The following NREP variants were observed in gnomAD, a reference collection of about 807,000 sequenced individuals.
NREP encodes the protein neuronal regeneration-related protein.
Under a neutral mutation model 8.6 loss-of-function variants are expected in NREP, and 5 were observed. The observed-to-expected ratio is 0.58, with a 90% CI of 0.30 to 1.22. The LOEUF is 1.22. Ranked by LOEUF, NREP falls within the 50% of genes most tolerant of loss-of-function variation. NREP has a pLI of 0.07. For synonymous variants in NREP, 27 were observed against 28.0 expected, an observed-to-expected ratio of 0.96 and a Z score of 0.11; for missense variants, 86 against 82.5, an observed-to-expected ratio of 1.04 and a Z score of -0.17.
intron 2 of NREP, among the ~76,000 whole-genome samples, chr5:111,882,445 G>A (rs1323594572): frequency 6.6e-6 from 1 of 152,170 alleles, no homozygotes; most frequent in African/African-American, 2.4e-5. Context: ...ATCTAGCAAG[G>A]CAGGCGACCA....
At chr5:111,739,795 C>T (rs549613015) in intron 2 of NREP, 3 of 152,004 alleles carry the variant, frequency 2.0e-5, no homozygotes, top group African/African-American at 7.2e-5. Flanking sequence ...ATGGGAATAC[C>T]TCAAAACTGT....
chr5:111,814,022 T>C (rs563833057), intron 2 of NREP, among the ~76,000 whole-genome samples: 1 of 152,088 alleles, frequency 6.6e-6, no homozygotes, highest in African/African-American at 2.4e-5. Flanking sequence ...TTCTCAAACA[T>C]TTGTATAGTT....
At position 111,764,490 on chromosome 5, in the gene NREP, A is replaced by G. The variant is rs1242105884; in HGVS notation, c.136-28983T>C. On this transcript the variant is annotated intron_variant, in intron 2 of 3. Coordinates refer to the NREP transcript ENST00000395634. ...CAGCAGGCAAAGAGAGAGCTTGTGC[A>G]TGGAAACTCCACTTTATAAAACCAT... 2.0e-5 allele frequency among the ~76,000 whole-genome samples: 3 copies of G among 152,204 alleles called. No homozygotes were observed. The East Asian group carries it at 5.8e-4, about 29-fold the overall frequency.
intron 2 of NREP, among the ~76,000 whole-genome samples, chr5:111,900,608 G>A (rs1195951673): frequency 6.6e-6 from 1 of 151,832 alleles, no homozygotes; most frequent in East Asian, 1.9e-4. Flanking sequence ...AAATACAAAA[G>A]ATCACCAGGG....
At chr5:111,864,070 G>A (rs1753611515) in intron 2 of NREP, among the ~76,000 whole-genome samples, 1 of 152,124 alleles carries the variant, frequency 6.6e-6, no homozygotes, top group Admixed American at 6.6e-5. Context: ...TGTCAAGAAG[G>A]AGAACTGTCA....
At chr5:111,857,345 C>T (rs1753448060) in intron 2 of NREP, among the ~76,000 whole-genome samples, 1 of 152,184 alleles carries the variant, frequency 6.6e-6, no homozygotes, top group Non-Finnish European at 1.5e-5. Flanking sequence ...TTGTTATAGA[C>T]AGGAGAGCAG....
chr5:111,903,642 G>T (rs1219074657), intron 2 of NREP, among the ~76,000 whole-genome samples: 1 of 152,060 alleles, frequency 6.6e-6, no homozygotes, highest in South Asian at 2.1e-4. Flanking sequence ...ATTTTAGGGT[G>T]ATGGTAATTG....
At chr5:111,895,587 A>G (rs938548481) in intron 2 of NREP, among the ~76,000 whole-genome samples, 1 of 152,086 alleles carries the variant, frequency 6.6e-6, no homozygotes, top group African/African-American at 2.4e-5. Flanking sequence ...AGGCAGGGAT[A>G]AGAGAGTTAT....
intron 2 of NREP, among the ~76,000 whole-genome samples, chr5:111,894,878 G>A (rs201165659): frequency 6.6e-6 from 1 of 152,160 alleles, no homozygotes; most frequent in East Asian, 1.9e-4. Context: ...ATGGCAAAGT[G>A]TAATCAGACC....
At chr5:111,782,766 G>A (rs1012775691) in intron 2 of NREP, among the ~76,000 whole-genome samples, 5 of 148,240 alleles carry the variant, frequency 3.4e-5, no homozygotes, top group Admixed American at 6.8e-5. Context: ...TGACAGTCTC[G>A]CTCTGTCATC....
chr5:111,965,081 T>A (rs915255720), intron 2 of NREP, among the ~76,000 whole-genome samples: 1 of 152,066 alleles, frequency 6.6e-6, no homozygotes, highest in African/African-American at 2.4e-5. Context: ...CACTTTGCTC[T>A]CAGGCCAGGC....
intron 2 of NREP, among the ~76,000 whole-genome samples, chr5:111,880,096 C>T (rs1754013143): frequency 6.6e-6 from 1 of 152,148 alleles, no homozygotes. Context: ...AGCATGTATT[C>T]TTGAGCCAGG....
intron 2 of NREP, among the ~76,000 whole-genome samples, chr5:111,783,463 G>A (rs1325220723): frequency 2.0e-5 from 3 of 152,200 alleles, no homozygotes; most frequent in Admixed American, 2.0e-4. Flanking sequence ...GGACTGCAAC[G>A]AAATGAAAGT....
At chr5:111,881,550 C>A (rs189082803) in intron 2 of NREP, among the ~76,000 whole-genome samples, 1 of 152,154 alleles carries the variant, frequency 6.6e-6, no homozygotes, top group Non-Finnish European at 1.5e-5. Flanking sequence ...TGACCCCTGA[C>A]CCCCAAGCAG....
At chr5:111,971,308 T>C (rs1444798978) in intron 2 of NREP, among the ~76,000 whole-genome samples, 1 of 152,126 alleles carries the variant, frequency 6.6e-6, no homozygotes, top group Non-Finnish European at 1.5e-5. Context: ...TCTATCAAAG[T>C]CTCAATCACA....
At chr5:111,943,242 G>T (rs1371208015) in intron 2 of NREP, among the ~76,000 whole-genome samples, 2 of 151,912 alleles carry the variant, frequency 1.3e-5, no homozygotes, top group Admixed American at 1.3e-4. Context: ...CATTCATCAG[G>T]TGCCGGTTAT....
chr5:111,855,201 C>T (rs745810537), intron 2 of NREP, among the ~76,000 whole-genome samples: 23 of 152,098 alleles, frequency 1.5e-4, no homozygotes, highest in Admixed American at 3.9e-4. Flanking sequence ...GTCAGGTAGA[C>T]TAATGGTTAA....
intron 3 of NREP, 38 bp from the exon 4 acceptor site, chr5:111,731,084 A>C: frequency 6.3e-7 from 1 of 1,599,104 alleles, no homozygotes; most frequent in Non-Finnish European, 8.5e-7. Flanking sequence ...ACAGACACAC[A>C]TAAAAGACAA....
rs1750680295 is a variant in NREP, at chr5:111,756,001, T to C, written c.-58-171A>G. On this transcript the variant is annotated intron_variant, in intron 1 of 3. Transcript: ENST00000257435. ...CTGAAAGAGCTTTCCAAGTGGCCTA[T>C]AGGCTTAACTAAGGGACAAAGGAAT... 5 of 1,396,712 alleles carry C rather than the reference T, an allele frequency of 3.6e-6. No homozygotes were observed. In the South Asian group the frequency reaches 4.7e-5, roughly 13 times the overall value. The allele number at this position is 1,396,712 out of a possible 1,614,324, so 86.5% of individuals were successfully genotyped here. A position where few individuals can be genotyped will look rare whatever the true frequency, so the allele number is the denominator to read the frequency against.
Sources: allele counts gnomAD v4.1 joint callset (sites outside exome capture counted in the v4.1 genomes callset), GRCh38; gene constraint gnomAD v4.1.1; transcripts MANE v1.5; gene names NCBI Gene and HGNC (gene_info 2026-07-23, HGNC 2026-07-21).